RCAN2: variants seen among roughly 807,000 people sequenced by gnomAD.
RCAN2 encodes regulator of calcineurin 2, also known as calcipressin-2.
A neutral mutation model predicts 23.6 loss-of-function variants in RCAN2; 9 were observed. The observed-to-expected ratio is 0.38, with a 90% CI of 0.23 to 0.67. RCAN2 has a LOEUF of 0.67. Among genes scored for constraint, RCAN2 ranks in the 30% least tolerant of loss-of-function variants. The pLI is 0.51. For synonymous variants in RCAN2, 109 were observed against 115.7 expected (o/e 0.94, Z 0.37); for missense variants, 273 against 302.3 (o/e 0.90, Z 0.72).
chr6:46,283,011 A>C (rs900324424), intron 2 of RCAN2, among the ~76,000 whole-genome samples: 2 of 152,200 alleles, frequency 1.3e-5, no homozygotes, highest in Admixed American at 1.3e-4. Flanking sequence ...ATCTTTCTGC[A>C]TGGAAACTGC....
At chr6:46,346,526 A>G (rs1379905193) in intron 2 of RCAN2, among the ~76,000 whole-genome samples, 1 of 152,202 alleles carries the variant, frequency 6.6e-6, no homozygotes, top group Non-Finnish European at 1.5e-5. Flanking sequence ...ATGTCTAACC[A>G]TTAGGAAATA....
chr6:46,447,242 C>A (rs1227002815), intron 2 of RCAN2, among the ~76,000 whole-genome samples: 2 of 151,780 alleles, frequency 1.3e-5, no homozygotes, highest in African/African-American at 4.8e-5. Flanking sequence ...CAAAGAAAGC[C>A]ATTATATAAG....
intron 4 of RCAN2, among the ~76,000 whole-genome samples, chr6:46,232,130 G>A (rs1239788335): frequency 1.3e-5 from 2 of 152,242 alleles, no homozygotes; most frequent in Non-Finnish European, 2.9e-5. Flanking sequence ...GGAAGGAGAT[G>A]ACTGCCTGAT....
chr6:46,254,778 A>C (rs1452108176), intron 2 of RCAN2, among the ~76,000 whole-genome samples: 3 of 152,218 alleles, frequency 2.0e-5, no homozygotes, highest in African/African-American at 7.2e-5. Context: ...TTAGTTAAAA[A>C]GATGTCATAC....
intron 2 of RCAN2, among the ~76,000 whole-genome samples, chr6:46,285,637 C>T (rs1167240991): frequency 6.6e-6 from 1 of 152,078 alleles, no homozygotes; most frequent in Non-Finnish European, 1.5e-5. Context: ...AAATGTCTTC[C>T]CTACCTACTT....
intron 2 of RCAN2, among the ~76,000 whole-genome samples, chr6:46,380,300 C>T (rs550886638): frequency 1.5e-4 from 23 of 152,308 alleles, no homozygotes; most frequent in Admixed American, 5.9e-4. Flanking sequence ...ATAGTCTCAC[C>T]TCAGTTCAGG....
At chr6:46,436,116 T>C (rs1041728531) in intron 2 of RCAN2, among the ~76,000 whole-genome samples, 1 of 152,204 alleles carries the variant, frequency 6.6e-6, no homozygotes, top group Non-Finnish European at 1.5e-5. Flanking sequence ...GATTTAGAAG[T>C]TCTTCTGAGG....
chr6:46,459,736 A>G (rs1768156610), intron 1 of RCAN2, among the ~76,000 whole-genome samples: 1 of 152,320 alleles, frequency 6.6e-6, no homozygotes, highest in Middle Eastern at 3.4e-3. Context: ...AACAACATTG[A>G]ACTGCCTCCT....
intron 2 of RCAN2, among the ~76,000 whole-genome samples, chr6:46,334,363 A>T (rs1189231783): frequency 6.6e-6 from 1 of 152,192 alleles, no homozygotes; most frequent in East Asian, 1.9e-4. Context: ...ATGCAGTGAG[A>T]GCTCAGTGAG....
At chr6:46,467,085 T>G (rs1582226036) in intron 1 of RCAN2, among the ~76,000 whole-genome samples, 2 of 152,156 alleles carry the variant, frequency 1.3e-5, no homozygotes, top group South Asian at 4.2e-4. Context: ...TTGCACCTCT[T>G]GGGACACTTA....
intron 2 of RCAN2, among the ~76,000 whole-genome samples, chr6:46,305,341 A>G (rs1422670436): frequency 1.3e-5 from 2 of 152,016 alleles, no homozygotes; most frequent in Non-Finnish European, 1.5e-5. Context: ...CAGGCTTTCC[A>G]CAGAATCCAG....
At chr6:46,460,963 C>T (rs1029101318) in intron 1 of RCAN2, among the ~76,000 whole-genome samples, 1 of 152,022 alleles carries the variant, frequency 6.6e-6, no homozygotes, top group Non-Finnish European at 1.5e-5. Context: ...AAGAATCACT[C>T]AAAGATAGCA....
intron 2 of RCAN2, among the ~76,000 whole-genome samples, chr6:46,453,045 C>T (rs941458994): frequency 6.6e-6 from 1 of 152,154 alleles, no homozygotes; most frequent in Non-Finnish European, 1.5e-5. Flanking sequence ...ATTCCAATGT[C>T]CTACCCAGCA....
At chr6:46,399,185 AG>A (rs1766176168) in intron 2 of RCAN2, among the ~76,000 whole-genome samples, 1 of 152,006 alleles carries the variant, frequency 6.6e-6, no homozygotes, top group Non-Finnish European at 1.5e-5. Context: ...TCATTGATGC[AG>A]CTAGTAACAA....
chr6:46,401,581 T>G (rs1182407965), intron 2 of RCAN2, among the ~76,000 whole-genome samples: 1 of 152,332 alleles, frequency 6.6e-6, no homozygotes, highest in East Asian at 1.9e-4. Context: ...GGACTGACCA[T>G]GCTGCCCCTC....
intron 2 of RCAN2, among the ~76,000 whole-genome samples, chr6:46,258,283 T>C (rs757981371): frequency 3.3e-5 from 5 of 152,204 alleles, no homozygotes; most frequent in Admixed American, 6.5e-5. Context: ...GCAGACTCCT[T>C]ATGTGACGGG....
chr6:46,247,111 A>G (rs567881694), intron 3 of RCAN2, among the ~76,000 whole-genome samples, 192 bp from the exon 4 acceptor site: 7 of 152,256 alleles, frequency 4.6e-5, no homozygotes, highest in African/African-American at 1.7e-4. Context: ...GTGGATCTCA[A>G]CCTTTACTGT....
At chr6:46,386,724 C>G (rs1765768238) in intron 2 of RCAN2, among the ~76,000 whole-genome samples, 1 of 151,758 alleles carries the variant, frequency 6.6e-6, no homozygotes, top group Non-Finnish European at 1.5e-5. Flanking sequence ...CTACCAATGA[C>G]TTTCTTCACA....
At chr6:46,411,723 G>C (rs1261192185) in intron 2 of RCAN2, among the ~76,000 whole-genome samples, 3 of 152,140 alleles carry the variant, frequency 2.0e-5, no homozygotes, top group Admixed American at 6.5e-5. Context: ...GTGAAGCTGA[G>C]ATCTGAGTTA....
Sources: allele counts gnomAD v4.1 joint callset (sites outside exome capture counted in the v4.1 genomes callset), GRCh38; gene constraint gnomAD v4.1.1; transcripts MANE v1.5; gene names NCBI Gene and HGNC (gene_info 2026-07-23, HGNC 2026-07-21).